Variants in NALCN observed in about 807,000 individuals in gnomAD.
The protein encoded by NALCN is sodium leak channel, non-selective, also known as sodium leak channel NALCN.
NALCN carries 111 observed loss-of-function variants against 225.3 expected under a neutral mutation model. The ratio of observed to expected loss-of-function variants is 0.49; its 90% CI spans 0.42 to 0.58. The LOEUF (loss-of-function observed/expected upper bound fraction) is 0.58. Ranked by LOEUF, NALCN falls within the 20% of genes least tolerant of loss-of-function variation. The pLI, the probability that NALCN is intolerant of heterozygous loss-of-function variation, is 0.00. For synonymous variants in NALCN, 764 were observed against 769.0 expected, an observed-to-expected ratio of 0.99 and a Z score of 0.11; for missense variants, 1,378 against 2,202.4, an observed-to-expected ratio of 0.63 and a Z score of 7.49.
At chr13:101,227,965 G>A (rs1296796606) in intron 13 of NALCN, among the ~76,000 whole-genome samples, 6 of 152,282 alleles carry the variant, frequency 3.9e-5, no homozygotes, top group East Asian at 3.9e-4. Context: ...GTTCCCATAA[G>A]CCTTTCTGGA....
chr13:101,406,486 A>G (rs1192626111), intron 1 of NALCN, among the ~76,000 whole-genome samples: 2 of 152,240 alleles, frequency 1.3e-5, no homozygotes, highest in Non-Finnish European at 2.9e-5. Context: ...ACAGGAAATG[A>G]GAAAATGACT....
intron 13 of NALCN, among the ~76,000 whole-genome samples, chr13:101,220,072 T>C (rs895907020): frequency 6.6e-6 from 1 of 152,200 alleles, no homozygotes; most frequent in African/African-American, 2.4e-5. Flanking sequence ...TTCCACACTT[T>C]ATTTTCCCAC....
intron 6 of NALCN, among the ~76,000 whole-genome samples, chr13:101,361,088 T>C (rs1311319515): frequency 6.6e-6 from 1 of 152,180 alleles, no homozygotes; most frequent in African/African-American, 2.4e-5. Flanking sequence ...TGGCTTGGAA[T>C]CAGTATTTTT....
chr13:101,339,979 C>T (rs990043067), intron 7 of NALCN, among the ~76,000 whole-genome samples: 4 of 152,062 alleles, frequency 2.6e-5, no homozygotes, highest in East Asian at 1.9e-4. Context: ...TTAAGAACAC[C>T]GTGCCCCGGC....
At chr13:101,057,013 C>T (rs879846375) in intron 43 of NALCN, 4 of 152,160 alleles carry the variant, frequency 2.6e-5, no homozygotes, top group Admixed American at 2.6e-4. Context: ...GGGATACTTT[C>T]CTTGGTGGTA....
At chr13:101,106,241 A>C (rs1240399891) in intron 22 of NALCN, among the ~76,000 whole-genome samples, 3 of 152,116 alleles carry the variant, frequency 2.0e-5, no homozygotes, top group African/African-American at 4.8e-5. Flanking sequence ...CACCCTAATG[A>C]TCTCATTTTA....
chr13:101,342,944 T>C (rs2045603605), intron 7 of NALCN, among the ~76,000 whole-genome samples: 1 of 152,228 alleles, frequency 6.6e-6, no homozygotes, highest in Admixed American at 6.5e-5. Context: ...AATTCATGTT[T>C]TGAATGGTAA....
In NALCN at chr13:101,143,232, G is replaced by GAAGTT. The variant is rs1566334256; in HGVS notation, c.1977-12_1977-11insAACTT. The GAAGTT allele has an allele frequency of 1.2e-6, 2 of 1,603,420 alleles. No individual in the cohort carries two copies. The highest frequency in any genetic ancestry group is 1.7e-5 in the Admixed American group (1 of 58,470). Reference sequence around the variant, plus strand: ...TTCATAAAACTCTCCCTTTGCAAATGAAGTATATGTGCATCAGGCATTATT... The same window carrying GAAGTT: ...TTCATAAAACTCTCCCTTTGCAAATGAAGTTAAGTATATGTGCATCAGGCATTATT... On this transcript the variant is annotated splice_polypyrimidine_tract_variant and intron_variant, in intron 16 of 43. Transcript: ENST00000251127.
chr13:101,378,027 C>G (rs755879463), intron 4 of NALCN, among the ~76,000 whole-genome samples: 2 of 151,970 alleles, frequency 1.3e-5, no homozygotes, highest in Admixed American at 1.3e-4. Context: ...TGGCTAATAC[C>G]TATCCAAATA....
rs59471123 is a variant in NALCN, at chr13:101,276,062, C to CAAAAA, written c.1134+7866_1134+7870dup. Among the ~76,000 whole-genome samples, 101 of 84,300 alleles carry CAAAAA rather than the reference C, an allele frequency of 1.2e-3. 6 individuals are homozygous for CAAAAA. The highest frequency in any genetic ancestry group is 0.013 in the Middle Eastern group (2 of 152). The allele number at this position is 84,300 out of a possible 152,430, so 55.3% of individuals were successfully genotyped here. ...CTGATGACAGAGCGAGACTCCTTCT[C>CAAAAA]AAAAAAAAAAAAAAAAAAAAAAAAA... is the stretch of plus-strand genomic sequence containing the variant. On this transcript the variant is annotated intron_variant, in intron 10 of 43. Transcript: ENST00000251127.
chr13:101,281,806 A>C (rs1422576818), intron 10 of NALCN, among the ~76,000 whole-genome samples: 1 of 152,210 alleles, frequency 6.6e-6, no homozygotes, highest in African/African-American at 2.4e-5. Flanking sequence ...AAAAAACAAA[A>C]ACAAACACAA....
intron 1 of NALCN, among the ~76,000 whole-genome samples, chr13:101,410,737 AAG>A: frequency 6.6e-6 from 1 of 152,348 alleles, no homozygotes; most frequent in Admixed American, 6.5e-5. Flanking sequence ...AAAGGGAATG[AAG>A]CAAAGGATTT....
At chr13:101,366,453 A>C (rs1309869445) in intron 6 of NALCN, among the ~76,000 whole-genome samples, 1 of 152,144 alleles carries the variant, frequency 6.6e-6, no homozygotes, top group East Asian at 1.9e-4. Context: ...ATTAGGCTAT[A>C]ATACATGCAA....
chr13:101,095,510 T>C (rs1339979622), intron 28 of NALCN, 64 bp downstream of exon 28: 2 of 1,328,438 alleles, frequency 1.5e-6, no homozygotes, highest in Non-Finnish European at 2.1e-6. Context: ...CATATGATAC[T>C]TATTTAAAGC....
intron 18 of NALCN, among the ~76,000 whole-genome samples, chr13:101,122,494 A>G (rs1442075838): frequency 1.3e-5 from 2 of 152,322 alleles, no homozygotes; most frequent in East Asian, 1.9e-4. Context: ...ATATTCCCTG[A>G]TAGTCTTAAA....
At chr13:101,288,315 A>C (rs1322217993) in intron 9 of NALCN, among the ~76,000 whole-genome samples, 3 of 152,234 alleles carry the variant, frequency 2.0e-5, no homozygotes, top group Non-Finnish European at 4.4e-5. Flanking sequence ...TGAGGAAATA[A>C]ATGGTCTTGG....
intron 13 of NALCN, among the ~76,000 whole-genome samples, chr13:101,226,579 T>C (rs1298306664): frequency 1.3e-5 from 2 of 152,170 alleles, no homozygotes; most frequent in Admixed American, 1.3e-4. Flanking sequence ...CCTAATGATG[T>C]GGCTATCATT....
intron 10 of NALCN, among the ~76,000 whole-genome samples, chr13:101,274,792 C>T (rs564773853): frequency 1.3e-5 from 2 of 152,158 alleles, no homozygotes; most frequent in African/African-American, 4.8e-5. Context: ...ATTTTTTTAG[C>T]TCTTAATAAA....
intron 27 of NALCN, among the ~76,000 whole-genome samples, chr13:101,098,599 C>T (rs999377309): frequency 1.3e-5 from 2 of 152,182 alleles, no homozygotes; most frequent in Non-Finnish European, 2.9e-5. Context: ...ATCTTCCCAA[C>T]TGGAAACTAT....
Sources: gnomAD v4.1 joint callset for allele counts (sites outside exome capture counted in the v4.1 genomes callset) on GRCh38, gnomAD v4.1.1 for gene constraint, MANE v1.5 for transcripts, NCBI Gene and HGNC (gene_info 2026-07-23, HGNC 2026-07-21) for gene names.